TBX15: variants seen among roughly 807,000 people sequenced by gnomAD.
The protein encoded by TBX15 is T-box transcription factor 15, also known as T-box transcription factor TBX15.
TBX15 carries 18 observed loss-of-function variants against 53.9 expected under a neutral mutation model. That is an observed-to-expected ratio of 0.33 (90% CI 0.23 to 0.49). The LOEUF is 0.49. TBX15 is among the 20% of genes least tolerant of loss of function. The pLI is 0.98. For synonymous variants in TBX15, 295 were observed against 278.0 expected, an observed-to-expected ratio of 1.06 and a Z score of -0.61; for missense variants, 692 against 749.5, an observed-to-expected ratio of 0.92 and a Z score of 0.90.
At chr1:118,971,810 C>T (rs989134813) in intron 1 of TBX15, among the ~76,000 whole-genome samples, 2 of 152,176 alleles carry the variant, frequency 1.3e-5, no homozygotes, top group African/African-American at 4.8e-5. Context: ...AAAAGTCTAA[C>T]AGTTAATGTC....
chr1:118,914,603 C>G (rs1049632924), intron 5 of TBX15, among the ~76,000 whole-genome samples: 4 of 152,182 alleles, frequency 2.6e-5, no homozygotes, highest in African/African-American at 7.2e-5. Flanking sequence ...TAATAATGGA[C>G]TCAGTCAATT....
intron 5 of TBX15, among the ~76,000 whole-genome samples, chr1:118,917,747 T>C (rs1012452984): frequency 6.6e-6 from 1 of 152,132 alleles, no homozygotes; most frequent in Non-Finnish European, 1.5e-5. Flanking sequence ...CCCTGTACAA[T>C]CTCTTCTCTA....
chr1:118,974,321 G>A (rs1424814019), intron 1 of TBX15, among the ~76,000 whole-genome samples: 1 of 152,162 alleles, frequency 6.6e-6, no homozygotes, highest in Admixed American at 6.5e-5. Flanking sequence ...AACAGAGATG[G>A]ATTTTACATC....
At chr1:118,922,087 C>T (rs4659128) in intron 5 of TBX15, among the ~76,000 whole-genome samples, 23,902 of 152,076 alleles carry the variant, frequency 0.16, 2,087 homozygotes, top group Middle Eastern at 0.29. Context: ...ATCATATCTG[C>T]GCAGCCAAAG....
At chr1:118,926,851 A>G (rs1406469135) in intron 2 of TBX15, among the ~76,000 whole-genome samples, 1 of 150,368 alleles carries the variant, frequency 6.7e-6, no homozygotes, top group African/African-American at 2.5e-5. Flanking sequence ...GACTACAGGC[A>G]TGAGCCACCA....
At position 118,885,084 on chromosome 1, in the gene TBX15, G is replaced by C; in HGVS notation, c.1457C>G (p.Ala486Gly). 6.2e-7 allele frequency: 1 copy of C among 1,614,172 alleles called. No individual in the cohort carries two copies. The highest frequency in any genetic ancestry group is 8.5e-7 in the Non-Finnish European group (1 of 1,180,028). ...QFQYVMQAGN[A>G]ASSSSSPHMF... ...GTGTGGTGATGAGGAGCTGGAGGCA[G>C]CATTGCCTGCCTGCATGACATACTG... is the stretch of plus-strand genomic sequence containing the variant. Residue 486 changes from alanine to glycine, a missense_variant, in exon 8 of 8, where the codon GCT (alanine) becomes GGT (glycine). By Grantham distance (60) the Ala-to-Gly change is moderately conservative (BLOSUM62 0). Transcript: ENST00000369429.
In TBX15 at chr1:118,883,854, G is replaced by C. The variant is rs1571140378; in HGVS notation, c.*878C>G. 6.6e-6 allele frequency: 1 copy of C among 152,558 alleles called. No homozygotes were observed. The highest frequency in any genetic ancestry group is 1.9e-4 in the East Asian group (1 of 5,170). The allele number at this position is 152,558 out of a possible 1,614,324, so 9.5% of individuals were successfully genotyped here. On this transcript the variant is annotated 3_prime_UTR_variant, in exon 8 of 8. Transcript: ENST00000369429. ...GTAGTGGGGCGGGCGGGGTTTGGGG[G>C]GACAAACCAAAAACACGTCTCCTTG...
intron 1 of TBX15, among the ~76,000 whole-genome samples, chr1:118,934,879 C>T (rs560213920): frequency 6.6e-6 from 1 of 152,184 alleles, no homozygotes. Context: ...ATACCCTGAA[C>T]TTCTAGATTT....
chr1:118,983,119 AC>A (rs1011387686), intron 1 of TBX15, among the ~76,000 whole-genome samples: 3 of 151,960 alleles, frequency 2.0e-5, no homozygotes, highest in Non-Finnish European at 4.4e-5. Flanking sequence ...AGACCCGCAC[AC>A]CCCCTTGTGA....
At chr1:118,939,023 C>A (rs1656057213) in intron 1 of TBX15, among the ~76,000 whole-genome samples, 1 of 152,060 alleles carries the variant, frequency 6.6e-6, no homozygotes, top group Admixed American at 6.6e-5. Context: ...ACATATATAC[C>A]ATGGCATACT....
intron 5 of TBX15, among the ~76,000 whole-genome samples, chr1:118,917,664 C>T (rs1337718301): frequency 6.6e-6 from 1 of 152,116 alleles, no homozygotes; most frequent in Non-Finnish European, 1.5e-5. Context: ...AAACCTTAGC[C>T]CATGTCATCA....
At chr1:118,903,979 C>T (rs1214238685) in intron 6 of TBX15, among the ~76,000 whole-genome samples, 1 of 152,152 alleles carries the variant, frequency 6.6e-6, no homozygotes, top group Non-Finnish European at 1.5e-5. Flanking sequence ...AAAGAGTAAT[C>T]AGCAGTTTTC....
intron 6 of TBX15, among the ~76,000 whole-genome samples, chr1:118,904,923 T>G (rs1237101799): frequency 2.0e-5 from 3 of 152,218 alleles, no homozygotes. Context: ...ACCTCTTCAT[T>G]TCTAAGTCTG....
In TBX15 at chr1:118,988,130, A is replaced by G. The variant is rs1411509843; in HGVS notation, c.-335T>C. On this transcript the variant is annotated 5_prime_UTR_variant, in exon 1 of 8. Transcript: ENST00000369429. ...CACTGAACTTCATCTTGTTTTTGTT[A>G]TTATTATTATTCTCTCTCCTCTCTC... 2.9e-6 allele frequency: 1 copy of G among 339,900 alleles called. No homozygotes were observed. The highest frequency in any genetic ancestry group is 5.9e-5 in the East Asian group (1 of 16,980). The allele number at this position is 339,900 out of a possible 1,614,324, so 21.1% of individuals were successfully genotyped here.
intron 7 of TBX15, 151 bp from the exon 8 acceptor site, chr1:118,885,667 T>G: frequency 1.2e-6 from 1 of 844,356 alleles, no homozygotes; most frequent in Non-Finnish European, 1.9e-6. Flanking sequence ...AGCAGACCTA[T>G]GCTAAGCGAT....
intron 1 of TBX15, among the ~76,000 whole-genome samples, chr1:118,963,140 G>A (rs533845417): frequency 5.3e-5 from 8 of 152,232 alleles, no homozygotes; most frequent in African/African-American, 1.9e-4. Flanking sequence ...ATACATCTAA[G>A]TAAATAAAAT....
chr1:118,937,482 C>T (rs751742442), intron 1 of TBX15, among the ~76,000 whole-genome samples: 2 of 152,154 alleles, frequency 1.3e-5, no homozygotes, highest in Non-Finnish European at 2.9e-5. Context: ...ATAGTTCTGT[C>T]TTCTATCCAG....
intron 1 of TBX15, among the ~76,000 whole-genome samples, chr1:118,935,352 CA>C (rs1184161944): frequency 1.3e-5 from 2 of 152,056 alleles, no homozygotes; most frequent in African/African-American, 4.8e-5. Context: ...CCTTAAAGAT[CA>C]AAAAACACCT....
At chr1:118,909,309 T>C (rs1654949786) in intron 6 of TBX15, among the ~76,000 whole-genome samples, 1 of 152,224 alleles carries the variant, frequency 6.6e-6, no homozygotes, top group Non-Finnish European at 1.5e-5. Flanking sequence ...GAAGGCTGAA[T>C]GAGCTGGCTT....
Sources: allele counts gnomAD v4.1 joint callset (sites outside exome capture counted in the v4.1 genomes callset), GRCh38; gene constraint gnomAD v4.1.1; transcripts MANE v1.5; gene names NCBI Gene and HGNC (gene_info 2026-07-23, HGNC 2026-07-21).